The following KCNT2 variants were observed in gnomAD, a reference collection of about 807,000 sequenced individuals.
KCNT2 encodes the protein potassium channel subfamily T member 2.
In KCNT2, 67 loss-of-function variants were observed where a neutral mutation model predicts 153.8. The observed-to-expected ratio is 0.44, with a 90% CI of 0.36 to 0.53. The LOEUF (loss-of-function observed/expected upper bound fraction) is 0.53. KCNT2 is among the 20% of genes least tolerant of loss of function. The probability of loss-of-function intolerance (pLI) is 0.00; values close to 1 mark genes in which losing one functional copy is unlikely to be tolerated. For missense variants in KCNT2, 975 were observed against 1,354.8 expected, an observed-to-expected ratio of 0.72 and a Z score of 4.40; for synonymous variants, 500 against 458.8, an observed-to-expected ratio of 1.09 and a Z score of -1.15.
intron 26 of KCNT2, among the ~76,000 whole-genome samples, chr1:196,249,197 A>G (rs773671342): frequency 6.6e-6 from 1 of 152,168 alleles, no homozygotes; most frequent in Non-Finnish European, 1.5e-5. Flanking sequence ...TTGGTATCAT[A>G]CTGAGTAGGG....
chr1:196,373,029 A>G (rs1434230356), intron 14 of KCNT2, 111 bp downstream of exon 14: 1 of 588,350 alleles, frequency 1.7e-6, no homozygotes, highest in African/African-American at 2.0e-5. Context: ...ATTCAAGTAT[A>G]GGTACATATC....
chr1:196,552,728 C>T (rs186250635), intron 1 of KCNT2, among the ~76,000 whole-genome samples: 102 of 151,146 alleles, frequency 6.7e-4, no homozygotes, highest in African/African-American at 2.4e-3. Flanking sequence ...AGACATAGTA[C>T]AATAAGATGT....
At chr1:196,522,127 A>T (rs950319484) in intron 1 of KCNT2, among the ~76,000 whole-genome samples, 1 of 152,218 alleles carries the variant, frequency 6.6e-6, no homozygotes, top group Admixed American at 6.5e-5. Context: ...ATGCAGAAAG[A>T]GTCAGTATAC....
chr1:196,293,859 C>CAAAAAAAAAAAA (rs571759690), intron 22 of KCNT2, among the ~76,000 whole-genome samples: 1 of 115,216 alleles, frequency 8.7e-6, no homozygotes. Flanking sequence ...TCTGCACAGT[C>CAAAAAAAAAAAA]AAAAAAAAAA....
chr1:196,492,840 A>G (rs1679958860), intron 1 of KCNT2, among the ~76,000 whole-genome samples: 1 of 152,074 alleles, frequency 6.6e-6, no homozygotes, highest in African/African-American at 2.4e-5. Flanking sequence ...TCTTCACTAC[A>G]CCTATAGCCT....
intron 26 of KCNT2, among the ~76,000 whole-genome samples, chr1:196,255,207 A>G (rs2147767396): frequency 1.3e-5 from 2 of 151,782 alleles, no homozygotes; most frequent in East Asian, 3.9e-4. Context: ...TTTGCAATAG[A>G]GTTTATAGAT....
At chr1:196,371,307 T>C (rs1326832018) in intron 14 of KCNT2, among the ~76,000 whole-genome samples, 1 of 146,622 alleles carries the variant, frequency 6.8e-6, no homozygotes, top group Non-Finnish European at 1.5e-5. Context: ...GCAGTAAATC[T>C]ATAAAAGCAG....
intron 14 of KCNT2, among the ~76,000 whole-genome samples, chr1:196,370,444 G>A (rs1484458905): frequency 6.6e-6 from 1 of 151,922 alleles, no homozygotes; most frequent in Non-Finnish European, 1.5e-5. Flanking sequence ...AAAAGAAAAT[G>A]TTATATTGTA....
rs114687113 is a variant in KCNT2, at chr1:196,496,840, C to T, written c.96-4499G>A. On this transcript the variant is annotated intron_variant, in intron 1 of 27. Transcript: ENST00000294725. ...GACACACGAATTCACCTAACTTGCA[C>T]GTTTGGCATATGGGAGGAAACTGCA... Among the ~76,000 whole-genome samples, 850 of 152,228 alleles carry T rather than the reference C, an allele frequency of 5.6e-3. 6 individuals carry two copies. The highest frequency in any genetic ancestry group is 0.019 in the African/African-American group (784 of 41,524).
chr1:196,232,007 G>A (rs895999110), intron 27 of KCNT2, among the ~76,000 whole-genome samples: 52 of 151,826 alleles, frequency 3.4e-4, no homozygotes, highest in Middle Eastern at 6.8e-3. Context: ...CGCTAATAAA[G>A]TTTGCACTTT....
At chr1:196,520,807 T>G (rs1653273936) in intron 1 of KCNT2, among the ~76,000 whole-genome samples, 1 of 152,102 alleles carries the variant, frequency 6.6e-6, no homozygotes, top group Non-Finnish European at 1.5e-5. Context: ...TCAAGATGGA[T>G]CAAAGAGTTA....
At chr1:196,571,026 T>C (rs1660719935) in intron 1 of KCNT2, among the ~76,000 whole-genome samples, 1 of 152,090 alleles carries the variant, frequency 6.6e-6, no homozygotes, top group Non-Finnish European at 1.5e-5. Flanking sequence ...CCTATATTAG[T>C]TCATCTTCCC....
intron 3 of KCNT2, among the ~76,000 whole-genome samples, chr1:196,483,702 G>T (rs138289526): frequency 6.6e-6 from 1 of 151,882 alleles, no homozygotes; most frequent in South Asian, 2.1e-4. Flanking sequence ...CTTGGGCCAC[G>T]TCACCCATCA....
At chr1:196,240,394 A>G (rs1195291023) in intron 26 of KCNT2, among the ~76,000 whole-genome samples, 1 of 152,028 alleles carries the variant, frequency 6.6e-6, no homozygotes, top group African/African-American at 2.4e-5. Context: ...TAAATAAATA[A>G]CAAATATAAT....
chr1:196,464,162 T>A (rs1677399831), intron 8 of KCNT2, among the ~76,000 whole-genome samples: 1 of 151,780 alleles, frequency 6.6e-6, no homozygotes, highest in African/African-American at 2.4e-5. Context: ...AAATCCAGAA[T>A]TTTTAGTGAC....
chr1:196,398,778 A>AT lies in KCNT2; in HGVS notation c.1186-108_1186-107insA, dbSNP rs561876189. 4.1e-3 allele frequency: 2,344 copies of AT among 567,466 alleles called. 10 individuals carry two copies. Among genetic ancestry groups the AT allele is most frequent in the Non-Finnish European group, 4.6e-3 (1,470 of 322,704 alleles). The allele number at this position is 567,466 out of a possible 1,614,324, so 35.2% of individuals were successfully genotyped here. A position where few individuals can be genotyped will look rare whatever the true frequency, so the allele number is the denominator to read the frequency against. On this transcript the variant is annotated intron_variant, in intron 12 of 27. Coordinates refer to ENST00000294725, the MANE Select transcript of KCNT2 (RefSeq NM_198503.5). ...TTGGTCACATCCATAGTTAAAACTT[A>AT]AACATAAAAATTACTCTGAGGACTT...
intron 22 of KCNT2, among the ~76,000 whole-genome samples, chr1:196,288,842 A>T (rs1466796017): frequency 1.3e-5 from 2 of 152,094 alleles, no homozygotes; most frequent in African/African-American, 4.8e-5. Context: ...CCTGCCAAAA[A>T]TATGGATCAT....
chr1:196,476,883 C>T (rs144734914), intron 5 of KCNT2, among the ~76,000 whole-genome samples: 69 of 152,230 alleles, frequency 4.5e-4, no homozygotes, highest in African/African-American at 1.5e-3. Context: ...ACAATTTTGA[C>T]ACTCAATTGT....
At chr1:196,531,983 A>G (rs922957886) in intron 1 of KCNT2, among the ~76,000 whole-genome samples, 6 of 151,932 alleles carry the variant, frequency 3.9e-5, no homozygotes, top group African/African-American at 1.2e-4. Context: ...ACCAAAACAC[A>G]CAAATTTGTA....
Sources: gnomAD v4.1 joint callset for allele counts (sites outside exome capture counted in the v4.1 genomes callset) on GRCh38, gnomAD v4.1.1 for gene constraint, MANE v1.5 for transcripts, NCBI Gene and HGNC (gene_info 2026-07-23, HGNC 2026-07-21) for gene names.